Variants in ARHGAP15 observed in about 807,000 individuals in gnomAD.
ARHGAP15 encodes the protein rho GTPase-activating protein 15.
Under a neutral mutation model 63.7 loss-of-function variants are expected in ARHGAP15, and 51 were observed. That is an observed-to-expected ratio of 0.80 (90% confidence interval 0.64 to 1.01). The LOEUF (loss-of-function observed/expected upper bound fraction) is 1.01. ARHGAP15 is among the 50% of genes least tolerant of loss of function. The pLI is 0.00. For synonymous variants in ARHGAP15, 191 were observed against 193.8 expected, an observed-to-expected ratio of 0.99 and a Z score of 0.12; for missense variants, 560 against 564.6, an observed-to-expected ratio of 0.99 and a Z score of 0.08.
At chr2:143,598,942 A>ATTT (rs1326086486) in intron 11 of ARHGAP15, among the ~76,000 whole-genome samples, 1 of 151,604 alleles carries the variant, frequency 6.6e-6, no homozygotes, top group Non-Finnish European at 1.5e-5. Flanking sequence ...TTTTTTTTTA[A>ATTT]AAAAAACTAA....
intron 6 of ARHGAP15, among the ~76,000 whole-genome samples, chr2:143,420,558 A>G (rs1257701714): frequency 6.6e-6 from 1 of 152,132 alleles, no homozygotes; most frequent in Admixed American, 6.6e-5. Context: ...TTTAATTATC[A>G]TTGTGGTAAG....
Position 143,309,720 on chromosome 2 carries a change from T to A in ARHGAP15, c.474+59120T>A, listed in dbSNP as rs144864682. Among the ~76,000 whole-genome samples the A allele has an allele frequency of 7.2e-5, 11 of 152,098 alleles. No individual in the cohort carries two copies. In the East Asian group the frequency reaches 1.7e-3, roughly 24 times the overall value. The stretch of plus-strand genomic sequence containing the variant: ...ATATTTTGTATCAGATAACTCTTTG[T>A]TGTGGGGGCTGTCCTGTGCATTGTA... On this transcript the variant is annotated intron_variant, in intron 6 of 13. Transcript: ENST00000295095.
At chr2:143,592,088 A>G (rs965349672) in intron 11 of ARHGAP15, among the ~76,000 whole-genome samples, 2 of 152,154 alleles carry the variant, frequency 1.3e-5, no homozygotes, top group African/African-American at 4.8e-5. Flanking sequence ...AATGACAGTC[A>G]AATGCCATTC....
intron 4 of ARHGAP15, among the ~76,000 whole-genome samples, chr2:143,224,294 G>A (rs538838424): frequency 2.0e-5 from 3 of 152,138 alleles, no homozygotes; most frequent in East Asian, 3.9e-4. Flanking sequence ...AACAGAGAAA[G>A]GAAAAGAAAT....
chr2:143,146,779 A>G (rs1241170022), intron 1 of ARHGAP15, among the ~76,000 whole-genome samples: 1 of 152,244 alleles, frequency 6.6e-6, no homozygotes, highest in Non-Finnish European at 1.5e-5. Context: ...TTAGTGTCCC[A>G]TCATTAGACA....
At chr2:143,703,604 C>A in intron 13 of ARHGAP15, 80 bp downstream of exon 13, 1 of 1,088,042 alleles carries the variant, frequency 9.2e-7, no homozygotes, top group Non-Finnish European at 1.3e-6. Flanking sequence ...ATCTCTAAGG[C>A]AAGAGTTTCC....
intron 8 of ARHGAP15, 166 bp downstream of exon 8, chr2:143,437,208 T>C: frequency 1.5e-6 from 1 of 677,002 alleles, no homozygotes; most frequent in Admixed American, 3.5e-5. Context: ...CTGGGCACTT[T>C]GCTCACATCA....
intron 6 of ARHGAP15, among the ~76,000 whole-genome samples, chr2:143,419,499 A>G (rs1688824252): frequency 6.6e-6 from 1 of 152,176 alleles, no homozygotes; most frequent in Non-Finnish European, 1.5e-5. Context: ...ACTTCAATTT[A>G]TTAAAGTAAA....
intron 13 of ARHGAP15, among the ~76,000 whole-genome samples, chr2:143,719,729 A>AT (rs2105459795): frequency 6.6e-6 from 1 of 152,280 alleles, no homozygotes; most frequent in African/African-American, 2.4e-5. Flanking sequence ...GTCCTACTAT[A>AT]TTTTTCTAAC....
intron 6 of ARHGAP15, among the ~76,000 whole-genome samples, chr2:143,373,886 A>G (rs984053384): frequency 3.9e-5 from 6 of 152,154 alleles, no homozygotes; most frequent in Non-Finnish European, 8.8e-5. Flanking sequence ...AAAGAATAAA[A>G]CATAATTATT....
chr2:143,191,970 T>A (rs1691700960), intron 2 of ARHGAP15, among the ~76,000 whole-genome samples: 1 of 152,228 alleles, frequency 6.6e-6, no homozygotes, highest in African/African-American at 2.4e-5. Context: ...ATTTCTGATA[T>A]CTGGAATCAA....
intron 12 of ARHGAP15, chr2:143,641,288 A>G (rs1415176685): frequency 6.6e-6 from 1 of 152,168 alleles, no homozygotes; most frequent in Non-Finnish European, 1.5e-5. Flanking sequence ...AACAACAAAA[A>G]AAAAACAAAC....
intron 12 of ARHGAP15, among the ~76,000 whole-genome samples, chr2:143,624,901 GT>G (rs34440273): frequency 0.41 from 61,956 of 149,814 alleles, 14,777 homozygotes; most frequent in Non-Finnish European, 0.54. Flanking sequence ...TTCCTTTTCT[GT>G]TTTTTTTTTA....
At chr2:143,671,633 G>T (rs1682531569) in intron 12 of ARHGAP15, among the ~76,000 whole-genome samples, 1 of 152,132 alleles carries the variant, frequency 6.6e-6, no homozygotes, top group African/African-American at 2.4e-5. Context: ...ATGATCTTTA[G>T]TTGGGTCATT....
intron 2 of ARHGAP15, among the ~76,000 whole-genome samples, chr2:143,182,958 C>A (rs905855075): frequency 6.6e-6 from 1 of 152,062 alleles, no homozygotes; most frequent in Non-Finnish European, 1.5e-5. Flanking sequence ...ATCAGGAGAC[C>A]AAAGGCCAGC....
At chr2:143,378,384 T>C (rs538949822) in intron 6 of ARHGAP15, among the ~76,000 whole-genome samples, 1 of 152,094 alleles carries the variant, frequency 6.6e-6, no homozygotes, top group Non-Finnish European at 1.5e-5. Context: ...TTAAGGCTAA[T>C]GTTATGTATC....
At chr2:143,575,040 C>G (rs1422095866) in intron 11 of ARHGAP15, among the ~76,000 whole-genome samples, 2 of 152,048 alleles carry the variant, frequency 1.3e-5, no homozygotes, top group Non-Finnish European at 2.9e-5. Context: ...AGAGATTTTC[C>G]AATACATGCT....
At chr2:143,599,401 GTAAGTTCCTAT>G (rs962868044) in intron 11 of ARHGAP15, among the ~76,000 whole-genome samples, 7 of 152,092 alleles carry the variant, frequency 4.6e-5, no homozygotes, top group Non-Finnish European at 1.0e-4. Flanking sequence ...GTGTGAACAT[GTAAGTTCCTAT>G]TAATGCACAT....
chr2:143,296,352 T>C (rs1682632246), intron 6 of ARHGAP15, among the ~76,000 whole-genome samples: 2 of 152,092 alleles, frequency 1.3e-5, no homozygotes, highest in African/African-American at 4.8e-5. Context: ...GTGATGCATC[T>C]GACACCTGTA....
Sources: gnomAD v4.1 joint callset for allele counts (sites outside exome capture counted in the v4.1 genomes callset) on GRCh38, gnomAD v4.1.1 for gene constraint, MANE v1.5 for transcripts, NCBI Gene and HGNC (gene_info 2026-07-23, HGNC 2026-07-21) for gene names.